The following UCP2 variants were observed in gnomAD, a reference collection of about 807,000 sequenced individuals.
UCP2 encodes the protein uncoupling protein 2, also known as dicarboxylate carrier SLC25A8.
A neutral mutation model predicts 31.3 loss-of-function variants in UCP2; 27 were observed. The ratio of observed to expected loss-of-function variants is 0.86; its 90% CI spans 0.64 to 1.19. The LOEUF is 1.19. Among genes scored for constraint, UCP2 ranks in the 50% most tolerant of loss-of-function variants. The pLI, the probability that UCP2 is intolerant of heterozygous loss-of-function variation, is 0.00. For missense variants in UCP2, 377 were observed against 413.5 expected, an observed-to-expected ratio of 0.91 and a Z score of 0.76; for synonymous variants, 142 against 157.4, an observed-to-expected ratio of 0.90 and a Z score of 0.73.
intron 7 of UCP2, 104 bp from the exon 8 acceptor site, chr11:73,975,225 G>T: frequency 8.8e-7 from 1 of 1,141,484 alleles, no homozygotes; most frequent in Non-Finnish European, 1.3e-6. Flanking sequence ...AAAGGAGGCT[G>T]GGAGGACTCA....
At chr11:73,975,932 C>T (rs1033525433) in intron 6 of UCP2, among the ~76,000 whole-genome samples, 1 of 151,976 alleles carries the variant, frequency 6.6e-6, no homozygotes, top group Admixed American at 6.6e-5. Flanking sequence ...GCACAGTGTG[C>T]ATGCCTGTAG....
Position 73,977,998 on chromosome 11 carries a change from G to A in UCP2, c.225C>T (p.Pro75=). ...TILTMVRTEG[P]RSLYNGLVAG... Reference sequence around the variant, plus strand: ...CAACCAGCCCATTGTAGAGGCTTCGGGGGCCCTCAGTACGCACCATGGTCA... The same window carrying A: ...CAACCAGCCCATTGTAGAGGCTTCGAGGGCCCTCAGTACGCACCATGGTCA... Residue 75 remains proline, a synonymous_variant, in exon 4 of 8, where the codon CCC becomes CCT. Coordinates refer to ENST00000663595, the MANE Select transcript of UCP2 (RefSeq NM_003355.3). 1 of 1,614,226 alleles carries A rather than the reference G, an allele frequency of 6.2e-7. No homozygotes were observed. The highest frequency in any genetic ancestry group is 8.5e-7 in the Non-Finnish European group (1 of 1,180,036).
chr11:73,978,162 G>T, intron 3 of UCP2, 66 bp from the exon 4 acceptor site: 1 of 1,613,886 alleles, frequency 6.2e-7, no homozygotes, highest in Non-Finnish European at 8.5e-7. Context: ...CAGTCATCTC[G>T]ATGCTCCAAA....
chr11:73,978,505 A>G, intron 2 of UCP2, 28 bp from the exon 3 acceptor site: 2 of 1,380,134 alleles, frequency 1.4e-6, no homozygotes, highest in South Asian at 2.5e-5. Context: ...AAGCCCCATT[A>G]GCCACAATGT....
At position 73,977,031 on chromosome 11, in the gene UCP2, A is replaced by C; in HGVS notation, c.338-14T>G. The C allele has an allele frequency of 6.3e-7, 1 of 1,594,366 alleles. No homozygotes were observed. Among genetic ancestry groups the C allele is most frequent in the East Asian group, 2.2e-5 (1 of 44,522 alleles). The stretch of plus-strand genomic sequence containing the variant: ...CAATGCTGGCATCTGTGGGCGAGCC[A>C]TGGGGTCAGTGGCCAGCGGGCTTGC... On this transcript the variant is annotated splice_polypyrimidine_tract_variant and intron_variant, in intron 4 of 7. Coordinates refer to ENST00000663595, the MANE Select transcript of UCP2 (RefSeq NM_003355.3).
chr11:73,977,141 T>G, intron 4 of UCP2, 124 bp from the exon 5 acceptor site: 3 of 1,057,094 alleles, frequency 2.8e-6, no homozygotes, highest in Non-Finnish European at 4.0e-6. Flanking sequence ...CAGAAGCTTT[T>G]GGCCTTCTAC....
chr11:73,978,206 G>A lies in UCP2; in HGVS notation c.126+47C>T, dbSNP rs1379018358. 9.3e-6 allele frequency: 15 copies of A among 1,614,042 alleles called. 1 individual carries two copies. The South Asian group carries it at 1.2e-4, about 13-fold the overall frequency. ...CTTGAGGGGTCTGTGTCTTTGGGGA[G>A]GGAACAGAGTAGACACCATCAAGAC... On this transcript the variant is annotated intron_variant, in intron 3 of 7. Transcript: ENST00000663595.
intron 2 of UCP2, chr11:73,981,163 G>C (rs566797484): frequency 6.6e-6 from 1 of 152,338 alleles, no homozygotes. Context: ...GCATCAATAT[G>C]AAGTTAGAAC....
intron 4 of UCP2, 112 bp downstream of exon 4, chr11:73,977,774 C>T (rs1177262647): frequency 4.9e-6 from 7 of 1,431,810 alleles, no homozygotes; most frequent in African/African-American, 1.4e-5. Flanking sequence ...CTCTGTTCCC[C>T]TGATCTTCCT....
Position 73,977,983 on chromosome 11 carries a change from A to G in UCP2, c.240T>C (p.Asn80=), listed in dbSNP as rs779870764. The G allele has an allele frequency of 2.5e-6, 4 of 1,614,212 alleles. No homozygotes were observed. The highest frequency in any genetic ancestry group is 2.5e-6 in the Non-Finnish European group (3 of 1,180,024). ...GGCGCTGCAGGCCGGCAACCAGCCC[A>G]TTGTAGAGGCTTCGGGGGCCCTCAG... ...VRTEGPRSLY[N]GLVAGLQRQM... Residue 80 remains asparagine, a synonymous_variant, in exon 4 of 8, where the codon AAT becomes AAC. Coordinates refer to ENST00000663595, the MANE Select transcript of UCP2 (RefSeq NM_003355.3).
Position 73,975,618 on chromosome 11 carries a change from CAGT to C in UCP2, c.685_687del (p.Thr229del). 6.2e-7 allele frequency: 1 copy of C among 1,614,210 alleles called. No individual in the cohort carries two copies. Among genetic ancestry groups the C allele is most frequent in the Non-Finnish European group, 8.5e-7 (1 of 1,180,040 alleles). ...ACCACGTCTACAGGGGAGGCGATGA[CAGT>C]GGTGCAGAAGCCTGCCCCAAAGGCA... is the stretch of plus-strand genomic sequence containing the variant. On this transcript the variant is annotated inframe_deletion, in exon 7 of 8. Transcript: ENST00000663595.
At chr11:73,981,813 C>T (rs1951459538) in intron 1 of UCP2, among the ~76,000 whole-genome samples, 181 bp from the exon 2 acceptor site, 1 of 152,000 alleles carries the variant, frequency 6.6e-6, no homozygotes, top group South Asian at 2.1e-4. Flanking sequence ...CACCCCCACC[C>T]CACCTGCTTA....
chr11:73,978,262 G>A lies in UCP2; in HGVS notation c.117C>T (p.Val39=), dbSNP rs775461544. 2 of 1,614,144 alleles carry A rather than the reference G, an allele frequency of 1.2e-6. No individual in the cohort carries two copies. The highest frequency in any genetic ancestry group is 3.3e-5 in the Admixed American group (2 of 60,018). Residue 39 remains valine, a synonymous_variant, in exon 3 of 8, where the codon GTC becomes GTT. Coordinates refer to ENST00000663595, the MANE Select transcript of UCP2 (RefSeq NM_003355.3). ...GGCTTCATCCCCTCACCTGTAACCG[G>A]ACTTTAGCAGTATCCAGAGGAAAGG... ...LITFPLDTAK[V]RLQIQGESQG... is the part of the protein sequence containing the mutation.
rs1951329128 is a variant in UCP2 at position 73,975,560 on chromosome 11, T to C, written c.746A>G (p.Gln249Arg). 1 of 1,614,140 alleles carries C rather than the reference T, an allele frequency of 6.2e-7. No homozygotes were observed. Among genetic ancestry groups the C allele is most frequent in the Admixed American group, 1.7e-5 (1 of 60,014 alleles). ...KTRYMNSALG[Q>R]YSSAGHCALT... Reference sequence around the variant, plus strand: ...GGCACAGTGGCCAGCGCTACTGTACTGGCCCAGGGCAGAGTTCATGTATCT... The same window carrying C: ...GGCACAGTGGCCAGCGCTACTGTACCGGCCCAGGGCAGAGTTCATGTATCT... The change falls in exon 7 of 8, where the codon CAG becomes CGG. Residue 249 changes from glutamine (Q) to arginine (R), a missense_variant. By Grantham distance (43) the Gln-to-Arg change is conservative. Coordinates refer to ENST00000663595, the MANE Select transcript of UCP2 (RefSeq NM_003355.3).
At chr11:73,979,721 C>T (rs1951420429) in intron 2 of UCP2, among the ~76,000 whole-genome samples, 1 of 151,562 alleles carries the variant, frequency 6.6e-6, no homozygotes, top group Non-Finnish European at 1.5e-5. Flanking sequence ...GTCCCAGCTA[C>T]TTGGGACGAT....
In UCP2 at chr11:73,981,550, C is replaced by T. The variant is rs1951455680; in HGVS notation, c.-174G>A. 6.6e-6 allele frequency: 1 copy of T among 152,230 alleles called. No homozygotes were observed. The highest frequency in any genetic ancestry group is 1.5e-5 in the Non-Finnish European group (1 of 68,080). 9.4% of individuals were successfully genotyped at this position (152,230 alleles called of 1,614,324 possible). ...AAGGTGTCCCGTTCTTCAAAGCTGC[C>T]AGTGGCTATCATGGCCCGATCCCCT... On this transcript the variant is annotated 5_prime_UTR_variant, in exon 2 of 8. Coordinates refer to ENST00000663595, the MANE Select transcript of UCP2 (RefSeq NM_003355.3).
At chr11:73,977,176 A>G (rs546125860) in intron 4 of UCP2, 159 bp from the exon 5 acceptor site, 399 of 696,344 alleles carry the variant, frequency 5.7e-4, no homozygotes, top group Non-Finnish European at 8.8e-4. Context: ...AGAACTCCTC[A>G]CATCAAACAA....
chr11:73,983,069 A>G (rs911384737), upstream of UCP2: 2 of 151,058 alleles, frequency 1.3e-5, no homozygotes, highest in African/African-American at 4.9e-5. Flanking sequence ...CGAGATGGTC[A>G]CTCCCTTGCC....
Position 73,974,765 on chromosome 11 carries a change from C to T in UCP2, c.*242G>A, listed in dbSNP as rs546740695. 5.9e-5 allele frequency: 22 copies of T among 371,174 alleles called. No homozygotes were observed. The highest frequency in any genetic ancestry group is 2.2e-4 in the South Asian group (8 of 35,984). The allele number at this position is 371,174 out of a possible 1,614,324, so 23.0% of individuals were successfully genotyped here. On this transcript the variant is annotated 3_prime_UTR_variant, in exon 8 of 8. Transcript: ENST00000663595. ...TGGCTGAACTTTCCAAGGGACGGGA[C>T]GCTTGGGATCCTGGCTGGTACGAGG...
Sources: gnomAD v4.1 joint callset for allele counts (sites outside exome capture counted in the v4.1 genomes callset) on GRCh38, gnomAD v4.1.1 for gene constraint, MANE v1.5 for transcripts, NCBI Gene and HGNC (gene_info 2026-07-23, HGNC 2026-07-21) for gene names.